MPDZ: variants seen among roughly 807,000 people sequenced by gnomAD.
MPDZ encodes multiple PDZ domain crumbs cell polarity complex component.
A neutral mutation model predicts 239.1 loss-of-function variants in MPDZ; 234 were observed. The ratio of observed to expected loss-of-function variants is 0.98; its 90% CI spans 0.88 to 1.09. MPDZ has a LOEUF of 1.09. MPDZ is among the 50% of genes least tolerant of loss of function. The pLI, the probability that MPDZ is intolerant of heterozygous loss-of-function variation, is 0.00. For synonymous variants in MPDZ, 1,048 were observed against 881.3 expected (o/e 1.19, Z -3.35); for missense variants, 3,175 against 2,510.0 (o/e 1.26, Z -5.66).
chr9:13,266,192 T>C (rs894432799), intron 1 of MPDZ, among the ~76,000 whole-genome samples: 2 of 152,232 alleles, frequency 1.3e-5, no homozygotes, highest in African/African-American at 2.4e-5. Flanking sequence ...GCTTTCATGA[T>C]TTCCCTTTGC....
intron 3 of MPDZ, among the ~76,000 whole-genome samples, chr9:13,243,552 T>C (rs1335736914): frequency 6.6e-6 from 1 of 152,096 alleles, no homozygotes; most frequent in Admixed American, 6.6e-5. Context: ...TGAAATGTAA[T>C]TAACAAAAAC....
chr9:13,172,069 C>A (rs1951843723), intron 21 of MPDZ, among the ~76,000 whole-genome samples: 1 of 152,110 alleles, frequency 6.6e-6, no homozygotes, highest in Admixed American at 6.6e-5. Context: ...TTCAAGATTC[C>A]TTTACATTTA....
At chr9:13,212,879 G>T (rs922931694) in intron 10 of MPDZ, among the ~76,000 whole-genome samples, 2 of 151,626 alleles carry the variant, frequency 1.3e-5, no homozygotes, top group Non-Finnish European at 2.9e-5. Context: ...CAATTACAGG[G>T]GAGAAATACT....
intron 2 of MPDZ, 70 bp from the exon 3 acceptor site, chr9:13,247,871 T>A (rs746458525): frequency 7.3e-7 from 1 of 1,376,248 alleles, no homozygotes; most frequent in African/African-American, 1.4e-5. Flanking sequence ...GAGGACTCCA[T>A]CTTGTAGAAA....
chr9:13,193,798 T>C (rs1955268877), intron 13 of MPDZ, among the ~76,000 whole-genome samples: 1 of 152,128 alleles, frequency 6.6e-6, no homozygotes, highest in South Asian at 2.1e-4. Context: ...TAATGAAGAA[T>C]ATTAGAAAGC....
intron 6 of MPDZ, among the ~76,000 whole-genome samples, chr9:13,221,827 T>A (rs988021653): frequency 6.6e-6 from 1 of 152,020 alleles, no homozygotes; most frequent in African/African-American, 2.4e-5. Flanking sequence ...GGTCACATGT[T>A]AAGAATGTCT....
chr9:13,214,656 G>C (rs904149702), intron 10 of MPDZ, among the ~76,000 whole-genome samples: 8 of 151,988 alleles, frequency 5.3e-5, no homozygotes, highest in Non-Finnish European at 4.4e-5. Flanking sequence ...AAGTAAATTA[G>C]CTATGCTTTC....
Position 13,140,142 on chromosome 9 carries a change from C to T in MPDZ, c.3848G>A (p.Ser1283Asn), listed in dbSNP as rs199563879. The change falls in exon 28 of 47, where the codon AGT (serine) becomes AAT (asparagine). Residue 1283 changes from serine (S) to asparagine (N), a missense_variant. By Grantham distance (46) the Ser-to-Asn change is conservative. Coordinates refer to ENST00000319217, the MANE Select transcript of MPDZ (RefSeq NM_001378778.1). ...CTTCTCTGGCTCTGACTCTGACTGA[C>T]TGGGTGCCTGTGGGAACAAAAAGAA... is the stretch of plus-strand genomic sequence containing the variant. The part of the protein sequence containing the change: ...SLQINADKAP[S>N]QSESEPEKAP... 2 of 1,613,024 alleles carry T rather than the reference C, an allele frequency of 1.2e-6. No homozygotes were observed. Among genetic ancestry groups the T allele is most frequent in the East Asian group, 2.2e-5 (1 of 44,702 alleles).
At chr9:13,149,901 C>T (rs1280293815) in intron 25 of MPDZ, among the ~76,000 whole-genome samples, 2 of 151,826 alleles carry the variant, frequency 1.3e-5, no homozygotes, top group Non-Finnish European at 2.9e-5. Context: ...GAGATCCTGG[C>T]TTCGACTGAG....
At chr9:13,191,981 C>A in intron 15 of MPDZ, 150 bp downstream of exon 15, 2 of 635,758 alleles carry the variant, frequency 3.1e-6, no homozygotes, top group East Asian at 3.3e-5. Flanking sequence ...CTGATTCAAA[C>A]CCAGATTTGT....
Position 13,195,294 on chromosome 9 carries a change from A to C in MPDZ, c.1656+827T>G, listed in dbSNP as rs1209606373. Among the ~76,000 whole-genome samples the C allele has an allele frequency of 2.0e-5, 3 of 152,120 alleles. No homozygotes were observed. In the East Asian group the frequency reaches 5.8e-4, roughly 29 times the overall value. ...CAGAGCGAGACCTTGTCTCAAAAAAACAAACAAACAAACAAAAAGATGATT... is the reference window on the plus strand; with the variant it reads ...CAGAGCGAGACCTTGTCTCAAAAAACCAAACAAACAAACAAAAAGATGATT... On this transcript the variant is annotated intron_variant, in intron 13 of 46. Coordinates refer to ENST00000319217, the MANE Select transcript of MPDZ (RefSeq NM_001378778.1).
intron 1 of MPDZ, among the ~76,000 whole-genome samples, chr9:13,252,881 G>C (rs1221132652): frequency 6.6e-6 from 1 of 152,072 alleles, no homozygotes; most frequent in Non-Finnish European, 1.5e-5. Flanking sequence ...CTGATAACCT[G>C]AATTTAAATT....
At chr9:13,143,686 C>G in intron 26 of MPDZ, 122 bp from the exon 27 acceptor site, 2 of 758,230 alleles carry the variant, frequency 2.6e-6, no homozygotes, top group East Asian at 2.5e-5. Context: ...CTATCAGATC[C>G]AGTCATTAAT....
At chr9:13,110,813 C>A in intron 43 of MPDZ, 73 bp from the exon 44 acceptor site, 2 of 990,728 alleles carry the variant, frequency 2.0e-6, no homozygotes, top group Non-Finnish European at 3.1e-6. Flanking sequence ...CCTAAGTATT[C>A]ATTTCCTTCT....
Position 13,217,303 on chromosome 9 carries a change from A to C in MPDZ, c.1087-9T>G, listed in dbSNP as rs1463106029. 1.3e-6 allele frequency: 2 copies of C among 1,509,392 alleles called. No individual in the cohort carries two copies. Among genetic ancestry groups the C allele is most frequent in the Non-Finnish European group, 1.8e-6 (2 of 1,103,704 alleles). The allele number at this position is 1,509,392 out of a possible 1,614,324, so 93.5% of individuals were successfully genotyped here. On this transcript the variant is annotated splice_polypyrimidine_tract_variant and intron_variant, in intron 8 of 46. Coordinates refer to ENST00000319217, the MANE Select transcript of MPDZ (RefSeq NM_001378778.1). Reference sequence around the variant, plus strand: ...TGAGTAGAAGCATCAACCTAAAATAAAATCAATAAATATACAGTGAAATAA... The same window carrying C: ...TGAGTAGAAGCATCAACCTAAAATACAATCAATAAATATACAGTGAAATAA...
chr9:13,133,605 C>T (rs1207667440), intron 32 of MPDZ, among the ~76,000 whole-genome samples: 2 of 152,174 alleles, frequency 1.3e-5, no homozygotes, highest in Admixed American at 1.3e-4. Context: ...CGTAAACGTG[C>T]ATCAGGCGGG....
At chr9:13,235,049 TAG>T (rs1329533766) in intron 3 of MPDZ, among the ~76,000 whole-genome samples, 1 of 152,128 alleles carries the variant, frequency 6.6e-6, no homozygotes, top group Non-Finnish European at 1.5e-5. Flanking sequence ...GTTTGGAACC[TAG>T]AGAGGCCTCC....
chr9:13,246,207 G>A (rs1030606270), intron 3 of MPDZ, among the ~76,000 whole-genome samples: 3 of 152,124 alleles, frequency 2.0e-5, no homozygotes, highest in African/African-American at 4.8e-5. Context: ...CAGCACTTCG[G>A]GAGGCCAAGG....
At chr9:13,156,122 A>G (rs2133298779) in intron 24 of MPDZ, among the ~76,000 whole-genome samples, 1 of 152,298 alleles carries the variant, frequency 6.6e-6, no homozygotes, top group South Asian at 2.1e-4. Context: ...CTGACTCACT[A>G]TGTGCCAGGC....
Sources: allele counts gnomAD v4.1 joint callset (sites outside exome capture counted in the v4.1 genomes callset), GRCh38; gene constraint gnomAD v4.1.1; transcripts MANE v1.5; gene names NCBI Gene and HGNC (gene_info 2026-07-23, HGNC 2026-07-21).